Variants in POLR3B observed in about 807,000 individuals in gnomAD.
POLR3B encodes RNA polymerase III subunit B, also known as DNA-directed RNA polymerase III subunit RPC2.
A neutral mutation model predicts 147.4 loss-of-function variants in POLR3B; 96 were observed. That is an observed-to-expected ratio of 0.65 (90% CI 0.55 to 0.77). The LOEUF (loss-of-function observed/expected upper bound fraction) is 0.77, where lower values mean the gene tolerates loss of function less well. Ranked by LOEUF, POLR3B falls within the 30% of genes least tolerant of loss-of-function variation. POLR3B has a pLI of 0.00. For missense variants in POLR3B, 1,036 were observed against 1,413.5 expected (o/e 0.73, Z 4.28); for synonymous variants, 461 against 485.9 (o/e 0.95, Z 0.67).
chr12:106,405,851 T>G lies in POLR3B; in HGVS notation c.847-6T>G. 6.2e-7 allele frequency: 1 copy of G among 1,612,886 alleles called. No individual in the cohort carries two copies. Among genetic ancestry groups the G allele is most frequent in the Non-Finnish European group, 8.5e-7 (1 of 1,179,010 alleles). ...TTCAAACATTATTGTAATCTGTTTT[T>G]TATAGGCATTAAAATATATAGGGAA... is the stretch of plus-strand genomic sequence containing the variant. On this transcript the variant is annotated splice_region_variant and splice_polypyrimidine_tract_variant and intron_variant, in intron 10 of 27. Transcript: ENST00000228347.
intron 9 of POLR3B, among the ~76,000 whole-genome samples, chr12:106,384,603 C>T (rs1273702041): frequency 6.6e-6 from 1 of 152,054 alleles, no homozygotes; most frequent in African/African-American, 2.4e-5. Flanking sequence ...GTTTTGCAGT[C>T]TATTTAGTGC....
intron 10 of POLR3B, among the ~76,000 whole-genome samples, chr12:106,395,376 G>A (rs1171752431): frequency 6.6e-6 from 1 of 152,194 alleles, no homozygotes; most frequent in Non-Finnish European, 1.5e-5. Context: ...AGGGGGCAAG[G>A]TGTCTCATAT....
intron 23 of POLR3B, among the ~76,000 whole-genome samples, chr12:106,480,060 C>T (rs1357281722): frequency 6.6e-6 from 1 of 151,068 alleles, no homozygotes; most frequent in Non-Finnish European, 1.5e-5. Context: ...GCCATATTAC[C>T]CAGGCTGGTC....
At chr12:106,499,045 A>G (rs998892529) in intron 25 of POLR3B, among the ~76,000 whole-genome samples, 1 of 152,206 alleles carries the variant, frequency 6.6e-6, no homozygotes, top group African/African-American at 2.4e-5. Flanking sequence ...GCCTATTAAA[A>G]CTATAATAAT....
chr12:106,444,692 C>A, intron 19 of POLR3B, 102 bp downstream of exon 19: 1 of 1,271,338 alleles, frequency 7.9e-7, no homozygotes, highest in Non-Finnish European at 1.1e-6. Context: ...ATGTTCCCAA[C>A]CAGGCACTGG....
intron 10 of POLR3B, among the ~76,000 whole-genome samples, chr12:106,395,153 G>T (rs1280056755): frequency 6.6e-6 from 1 of 152,026 alleles, no homozygotes; most frequent in South Asian, 2.1e-4. Flanking sequence ...GATCACTTGA[G>T]CCTGAGAGGT....
At chr12:106,416,414 C>T (rs1275171348) in intron 12 of POLR3B, among the ~76,000 whole-genome samples, 1 of 152,116 alleles carries the variant, frequency 6.6e-6, no homozygotes, top group South Asian at 2.1e-4. Flanking sequence ...CTCCATGTGC[C>T]TTCTCTTGTT....
At position 106,487,029 on chromosome 12, in the gene POLR3B, G is replaced by A. The variant is rs188992566; in HGVS notation, c.2714-9026G>A. On this transcript the variant is annotated intron_variant, in intron 23 of 27. Coordinates refer to ENST00000228347, the MANE Select transcript of POLR3B (RefSeq NM_018082.6). ...AACCTTCACATGCCAGGCACAGATG[G>A]CAGGTGTCTGTAAGGAGCCACACAA... Among the ~76,000 whole-genome samples the A allele has an allele frequency of 4.1e-3, 626 of 152,336 alleles. 2 individuals are homozygous for A. The highest frequency in any genetic ancestry group is 0.014 in the Middle Eastern group (4 of 294).
chr12:106,496,782 A>G lies in POLR3B; in HGVS notation c.2848A>G (p.Lys950Glu). The G allele has an allele frequency of 6.2e-7, 1 of 1,614,152 alleles. No individual in the cohort carries two copies. The highest frequency in any genetic ancestry group is 8.5e-7 in the Non-Finnish European group (1 of 1,180,022). ...VGKLIELLAG[K>E]AGVLDGRFHY... ...GAAGCTCATTGAGCTGCTGGCTGGC[A>G]AGGCCGGTGTGCTGGACGGCAGATT... Residue 950 changes from lysine (K) to glutamate (E), a missense_variant, in exon 25 of 28, where the codon AAG becomes GAG. By Grantham distance (56) the Lys-to-Glu change is moderately conservative. Transcript: ENST00000228347.
chr12:106,478,223 A>C (rs2038210536), intron 23 of POLR3B, among the ~76,000 whole-genome samples: 1 of 152,068 alleles, frequency 6.6e-6, no homozygotes, highest in Non-Finnish European at 1.5e-5. Context: ...GTGCTTTTAA[A>C]AATGAAAACA....
intron 4 of POLR3B, among the ~76,000 whole-genome samples, chr12:106,369,007 G>T (rs984418774): frequency 1.3e-5 from 2 of 151,860 alleles, no homozygotes; most frequent in African/African-American, 4.8e-5. Context: ...CTTTCATTAA[G>T]TATCATTTTT....
At chr12:106,364,427 C>T (rs986733463) in intron 2 of POLR3B, among the ~76,000 whole-genome samples, 2 of 152,176 alleles carry the variant, frequency 1.3e-5, no homozygotes, top group African/African-American at 4.8e-5. Flanking sequence ...ACTTGGCACC[C>T]GCTAGGATAG....
At chr12:106,416,168 G>A (rs779961839) in intron 12 of POLR3B, among the ~76,000 whole-genome samples, 1 of 152,134 alleles carries the variant, frequency 6.6e-6, no homozygotes, top group African/African-American at 2.4e-5. Flanking sequence ...AGTTATGTCC[G>A]AGAATGTTAT....
intron 19 of POLR3B, among the ~76,000 whole-genome samples, chr12:106,445,026 C>T (rs576704530): frequency 1.8e-4 from 28 of 152,264 alleles, no homozygotes; most frequent in Non-Finnish European, 2.2e-4. Flanking sequence ...TTGACAATCC[C>T]CAAACCCATT....
At position 106,444,449 on chromosome 12, in the gene POLR3B, A is replaced by G; in HGVS notation, c.1956-14A>G. The G allele has an allele frequency of 1.2e-6, 2 of 1,613,722 alleles. No homozygotes were observed. Among genetic ancestry groups the G allele is most frequent in the Non-Finnish European group, 1.7e-6 (2 of 1,179,754 alleles). On this transcript the variant is annotated splice_polypyrimidine_tract_variant and intron_variant, in intron 18 of 27. Transcript: ENST00000228347. Reference sequence around the variant, plus strand: ...TTGATGCTTAAGATATGTGATTTTTACTTAACTTGTTAGAGACACCACCCA... The same window carrying G: ...TTGATGCTTAAGATATGTGATTTTTGCTTAACTTGTTAGAGACACCACCCA...
rs767364370 is a variant in POLR3B, at chr12:106,357,957, T to G, written c.72+6T>G. 5.6e-6 allele frequency: 9 copies of G among 1,612,368 alleles called. No homozygotes were observed. In the South Asian group the frequency reaches 9.9e-5, roughly 18 times the overall value. Reference sequence around the variant, plus strand: ...CGCCGATCCCGACTGTAGAGGTCAGTGCCAGGCACGCAGGGAGCGTCAGGG... The same window carrying G: ...CGCCGATCCCGACTGTAGAGGTCAGGGCCAGGCACGCAGGGAGCGTCAGGG... On this transcript the variant is annotated splice_donor_region_variant and intron_variant, in intron 1 of 27. Coordinates refer to ENST00000228347, the MANE Select transcript of POLR3B (RefSeq NM_018082.6).
chr12:106,485,544 A>G (rs1441685552), intron 23 of POLR3B, among the ~76,000 whole-genome samples: 2 of 152,144 alleles, frequency 1.3e-5, no homozygotes, highest in South Asian at 2.1e-4. Flanking sequence ...GCAGTGGAAA[A>G]ATAGAGAGAA....
chr12:106,440,185 C>T (rs140481253), intron 18 of POLR3B, among the ~76,000 whole-genome samples: 1 of 152,288 alleles, frequency 6.6e-6, no homozygotes, highest in East Asian at 1.9e-4. Context: ...CGTCCTGACC[C>T]TTTTTCTCTA....
At chr12:106,371,923 AAAACTT>A (rs1157654440) in intron 6 of POLR3B, among the ~76,000 whole-genome samples, 2 of 152,070 alleles carry the variant, frequency 1.3e-5, no homozygotes, top group Admixed American at 1.3e-4. Context: ...CATGTACCCT[AAAACTT>A]AAAGTATAAT....
Sources: allele counts gnomAD v4.1 joint callset (sites outside exome capture counted in the v4.1 genomes callset), GRCh38; gene constraint gnomAD v4.1.1; transcripts MANE v1.5; gene names NCBI Gene and HGNC (gene_info 2026-07-23, HGNC 2026-07-21).